NMD3: variants seen among roughly 807,000 people sequenced by gnomAD.
NMD3 encodes the protein 60S ribosomal export protein NMD3.
A neutral mutation model predicts 73.1 loss-of-function variants in NMD3; 47 were observed. That is an observed-to-expected ratio of 0.64 (90% CI 0.51 to 0.82). The LOEUF is 0.82. Among genes scored for constraint, NMD3 ranks in the 40% least tolerant of loss-of-function variants. The pLI, the probability that NMD3 is intolerant of heterozygous loss-of-function variation, is 0.00. For synonymous variants in NMD3, 210 were observed against 194.5 expected (o/e 1.08, Z -0.66); for missense variants, 554 against 612.5 (o/e 0.90, Z 1.01).
chr3:161,230,248 A>G (rs1736481497), intron 4 of NMD3, among the ~76,000 whole-genome samples: 1 of 152,014 alleles, frequency 6.6e-6, no homozygotes, highest in African/African-American at 2.4e-5. Context: ...ACAAACATGC[A>G]CCACCACACC....
intron 4 of NMD3, among the ~76,000 whole-genome samples, chr3:161,231,861 T>C (rs1199129987): frequency 1.3e-5 from 2 of 152,124 alleles, no homozygotes; most frequent in Non-Finnish European, 2.9e-5. Context: ...AGAAGGGTTT[T>C]AGGATTCGGG....
chr3:161,240,551 G>GTTT (rs1736932498), intron 9 of NMD3, among the ~76,000 whole-genome samples: 1 of 29,010 alleles, frequency 3.4e-5, no homozygotes. Context: ...TTGAGAGACA[G>GTTT]TTTTGCTCTG....
Position 161,249,533 on chromosome 3 carries a change from G to A in NMD3, c.1283G>A (p.Arg428Lys). 3 of 1,610,656 alleles carry A rather than the reference G, an allele frequency of 1.9e-6. No homozygotes were observed. The highest frequency in any genetic ancestry group is 2.5e-6 in the Non-Finnish European group (3 of 1,177,164). The change falls in exon 14 of 16, where the codon AGA becomes AAA. Residue 428 changes from arginine (R) to lysine (K), a missense_variant. Arg to Lys is a conservative substitution (Grantham distance 26). Transcript: ENST00000351193. ...AAATTGAAAGAGCTTGCAAGAGAGA[G>A]AGAAAACATGGATACAGATGATGAA... ...NWKLKELARE[R>K]ENMDTDDERQ...
chr3:161,235,809 G>T (rs950621711), intron 7 of NMD3, among the ~76,000 whole-genome samples: 1 of 151,858 alleles, frequency 6.6e-6, no homozygotes, highest in African/African-American at 2.4e-5. Context: ...TAGATTCTTG[G>T]TATAAAATTG....
intron 7 of NMD3, 133 bp downstream of exon 7, chr3:161,235,345 A>C: frequency 8.5e-6 from 4 of 471,102 alleles, no homozygotes; most frequent in Non-Finnish European, 1.1e-5. Context: ...AAAAAAAAAA[A>C]ACAACTTAAT....
In NMD3 at chr3:161,252,191, A is replaced by G. The variant is rs534395400; in HGVS notation, c.*1281A>G. ...TAGGAATGGCTTGTCCTAGTTCTTC[A>G]AAGGTAAGATTGACCAAAGCAAGTT... is the stretch of plus-strand genomic sequence containing the variant. On this transcript the variant is annotated 3_prime_UTR_variant, in exon 16 of 16. Transcript: ENST00000351193. 1.3e-5 allele frequency: 2 copies of G among 152,256 alleles called. No individual in the cohort carries two copies. The highest frequency in any genetic ancestry group is 4.8e-5 in the African/African-American group (2 of 41,544). The allele number at this position is 152,256 out of a possible 1,614,324, so 9.4% of individuals were successfully genotyped here.
chr3:161,229,006 CTG>C (rs2108078644), intron 4 of NMD3, among the ~76,000 whole-genome samples: 1 of 152,246 alleles, frequency 6.6e-6, no homozygotes, highest in South Asian at 2.1e-4. Context: ...AGGGAGGAAG[CTG>C]TGCAGAAATG....
chr3:161,249,182 T>G (rs562410060), intron 13 of NMD3, among the ~76,000 whole-genome samples: 1 of 152,330 alleles, frequency 6.6e-6, no homozygotes, highest in East Asian at 1.9e-4. Context: ...AAAACTACAG[T>G]TTTTGTTATT....
chr3:161,230,354 G>A (rs1477986045), intron 4 of NMD3, among the ~76,000 whole-genome samples: 3 of 152,070 alleles, frequency 2.0e-5, no homozygotes, highest in Non-Finnish European at 2.9e-5. Context: ...CCAGACTGGT[G>A]TTGAACTCCT....
chr3:161,234,884 T>C (rs146494751), intron 6 of NMD3, 29 bp downstream of exon 6: 3 of 1,603,938 alleles, frequency 1.9e-6, no homozygotes, highest in Non-Finnish European at 2.6e-6. Flanking sequence ...GAGTGAGTCC[T>C]ACATCTTATA....
rs1027027920 is a variant in NMD3 at position 161,250,308 on chromosome 3, A to C, written c.1363A>C (p.Asn455His). ...DLEEDEAIRK[N>H]VNIYRDSAIP... ...TGAAGAAGATGAGGCAATTCGAAAA[A>C]ATGTCAACATTTACAGAGGTTGGTG... Residue 455 changes from asparagine (N) to histidine (H), a missense_variant, in exon 15 of 16, where the codon AAT becomes CAT. Coordinates refer to ENST00000351193, the MANE Select transcript of NMD3 (RefSeq NM_015938.5). 6.2e-7 allele frequency: 1 copy of C among 1,603,194 alleles called. No individual in the cohort carries two copies. The highest frequency in any genetic ancestry group is 1.3e-5 in the African/African-American group (1 of 74,824).
At chr3:161,237,931 T>C (rs1410814090) in intron 7 of NMD3, among the ~76,000 whole-genome samples, 182 bp from the exon 8 acceptor site, 1 of 152,210 alleles carries the variant, frequency 6.6e-6, no homozygotes, top group African/African-American at 2.4e-5. Context: ...TGCTGATTTA[T>C]TTTGTCTGTC....
Position 161,242,507 on chromosome 3 carries a change from G to T in NMD3, c.872-1G>T. ...TTTTTGTGTTCTATCCTTATTTTTA[G>T]TGGCAGATATTGATGGGAGCACTTT... On this transcript the variant is annotated splice_acceptor_variant, in intron 10 of 15. Coordinates refer to ENST00000351193, the MANE Select transcript of NMD3 (RefSeq NM_015938.5). LOFTEE classifies it high-confidence loss of function. The T allele has an allele frequency of 6.2e-7, 1 of 1,610,270 alleles. No individual in the cohort carries two copies.
In NMD3 at chr3:161,224,951, T is replaced by C; in HGVS notation, c.66T>C (p.Val22=). The C allele has an allele frequency of 6.2e-7, 1 of 1,613,466 alleles. No homozygotes were observed. Among genetic ancestry groups the C allele is most frequent in the Non-Finnish European group, 8.5e-7 (1 of 1,179,748 alleles). Residue 22 remains valine (V), a synonymous_variant, in exon 3 of 16, where the codon GTT becomes GTC. Coordinates refer to ENST00000351193, the MANE Select transcript of NMD3 (RefSeq NM_015938.5). ...PGHILCCECG[V]PISPNPANIC... Reference sequence around the variant, plus strand: ...AAAGCTTGTGCTGTGAGTGTGGTGTTCCGATAAGTCCAAATCCTGCCAATA... The same window carrying C: ...AAAGCTTGTGCTGTGAGTGTGGTGTCCCGATAAGTCCAAATCCTGCCAATA...
chr3:161,252,768 G>A (rs1458322656), downstream of NMD3: 1 of 672,788 alleles, frequency 1.5e-6, no homozygotes, highest in Non-Finnish European at 2.7e-6. Flanking sequence ...TTTTTTTGTA[G>A]CCAAATCTGC....
Position 161,250,828 on chromosome 3 carries a change from G to A in NMD3, c.1430G>A (p.Arg477Gln), listed in dbSNP as rs1283514842. The change falls in exon 16 of 16, where the codon CGA (arginine) becomes CAA (glutamine). Residue 477 changes from arginine to glutamine, a missense_variant. Arg to Gln is a conservative substitution (Grantham distance 43). Coordinates refer to ENST00000351193, the MANE Select transcript of NMD3 (RefSeq NM_015938.5). ...GACACCGATGATGAAGGAGCACCTC[G>A]AATTAGTCTGGCTGAGATGCTTGAA... Reference protein sequence around the residue: ...ESDTDDEGAPRISLAEMLEDL... With the variant: ...ESDTDDEGAPQISLAEMLEDL... 2.3e-5 allele frequency: 37 copies of A among 1,611,440 alleles called. No homozygotes were observed. The highest frequency in any genetic ancestry group is 1.1e-4 in the East Asian group (5 of 44,846).
At chr3:161,240,952 G>A in intron 9 of NMD3, 94 bp from the exon 10 acceptor site, 1 of 667,176 alleles carries the variant, frequency 1.5e-6, no homozygotes, top group Admixed American at 2.6e-5. Flanking sequence ...GTTTTGGTTG[G>A]TCAAATGCAA....
At position 161,249,662 on chromosome 3, in the gene NMD3, C is replaced by A. The variant is rs754664968; in HGVS notation, c.1310+102C>A. On this transcript the variant is annotated intron_variant, in intron 14 of 15. Coordinates refer to ENST00000351193, the MANE Select transcript of NMD3 (RefSeq NM_015938.5). ...ATAGGCATCACACAATTGATCCTTG[C>A]ACTCAATTATAATCTTGGATTCTTA... The A allele has an allele frequency of 4.0e-6, 3 of 750,626 alleles. No homozygotes were observed. In the South Asian group the frequency reaches 4.6e-5, roughly 11 times the overall value. The allele number at this position is 750,626 out of a possible 1,614,324, so 46.5% of individuals were successfully genotyped here.
intron 4 of NMD3, among the ~76,000 whole-genome samples, chr3:161,232,487 G>A (rs900752910): frequency 2.6e-5 from 4 of 152,154 alleles, no homozygotes; most frequent in Non-Finnish European, 4.4e-5. Flanking sequence ...AAACTGAAAT[G>A]TCTGAAATCA....
Sources: allele counts gnomAD v4.1 joint callset (sites outside exome capture counted in the v4.1 genomes callset), GRCh38; gene constraint gnomAD v4.1.1; transcripts MANE v1.5; gene names NCBI Gene and HGNC (gene_info 2026-07-23, HGNC 2026-07-21).